Variants in CDH20 observed in about 807,000 individuals in gnomAD.
CDH20 encodes the protein cadherin-20.
Under a neutral mutation model 74.2 loss-of-function variants are expected in CDH20, and 29 were observed. That is an observed-to-expected ratio of 0.39 (90% confidence interval 0.29 to 0.53). CDH20 has a LOEUF of 0.53. Ranked by LOEUF, CDH20 falls within the 20% of genes least tolerant of loss-of-function variation. CDH20 has a pLI of 0.69. For missense variants in CDH20, 988 were observed against 1,048.3 expected (o/e 0.94, Z 0.79); for synonymous variants, 469 against 405.4 (o/e 1.16, Z -1.88).
At chr18:61,503,578 A>G (rs1568167515) in intron 5 of CDH20, among the ~76,000 whole-genome samples, 1 of 152,168 alleles carries the variant, frequency 6.6e-6, no homozygotes, top group Non-Finnish European at 1.5e-5. Flanking sequence ...AGATGGACAC[A>G]CCTGCCCATG....
At chr18:61,525,770 C>T (rs1912374603) in intron 6 of CDH20, among the ~76,000 whole-genome samples, 1 of 152,100 alleles carries the variant, frequency 6.6e-6, no homozygotes, top group Non-Finnish European at 1.5e-5. Flanking sequence ...TAAATTATTA[C>T]ATGTACCCTG....
chr18:61,371,772 T>A (rs144112393), intron 1 of CDH20, among the ~76,000 whole-genome samples: 5 of 150,850 alleles, frequency 3.3e-5, no homozygotes, highest in African/African-American at 1.2e-4. Flanking sequence ...GGCCTTATAT[T>A]TTCCAAATGG....
At chr18:61,365,837 T>C (rs1910837661) in intron 1 of CDH20, among the ~76,000 whole-genome samples, 2 of 152,178 alleles carry the variant, frequency 1.3e-5, no homozygotes, top group Non-Finnish European at 2.9e-5. Context: ...CATTTGGCCA[T>C]ACCCTAGCTA....
At chr18:61,548,240 T>C (rs952700923) in intron 10 of CDH20, among the ~76,000 whole-genome samples, 2 of 152,160 alleles carry the variant, frequency 1.3e-5, no homozygotes, top group Non-Finnish European at 2.9e-5. Context: ...GTTATGCTTA[T>C]CTGAATTTTT....
At chr18:61,482,377 T>A (rs561348429) in intron 1 of CDH20, among the ~76,000 whole-genome samples, 1 of 152,278 alleles carries the variant, frequency 6.6e-6, no homozygotes, top group East Asian at 1.9e-4. Flanking sequence ...TCTTTTCCAG[T>A]TCCAACTTTT....
chr18:61,489,809 T>G (rs777019974), intron 1 of CDH20, among the ~76,000 whole-genome samples: 2 of 152,032 alleles, frequency 1.3e-5, no homozygotes, highest in Admixed American at 6.6e-5. Context: ...GTGTGAAACT[T>G]GAAATCCACT....
chr18:61,433,603 TCACCCATATGTA>T (rs2144302151), intron 1 of CDH20, among the ~76,000 whole-genome samples: 1 of 152,208 alleles, frequency 6.6e-6, no homozygotes, highest in South Asian at 2.1e-4. Flanking sequence ...CACCAGCTCT[TCACCCATATGTA>T]CATTCTGGGT....
At chr18:61,400,686 C>T (rs1024836273) in intron 1 of CDH20, among the ~76,000 whole-genome samples, 2 of 152,158 alleles carry the variant, frequency 1.3e-5, no homozygotes, top group Non-Finnish European at 2.9e-5. Context: ...CTAATACCTG[C>T]ACAATTTTAT....
intron 1 of CDH20, among the ~76,000 whole-genome samples, chr18:61,400,188 C>G (rs1912110525): frequency 6.6e-6 from 1 of 152,202 alleles, no homozygotes; most frequent in African/African-American, 2.4e-5. Context: ...GTCCACCTCC[C>G]TGACCTGTAG....
chr18:61,539,740 C>T (rs180787037), intron 9 of CDH20, among the ~76,000 whole-genome samples: 206 of 152,310 alleles, frequency 1.4e-3, no homozygotes, highest in African/African-American at 4.8e-3. Flanking sequence ...TTCTTAACTT[C>T]TGGCAAGAAG....
At chr18:61,467,863 A>C (rs1020812946) in intron 1 of CDH20, among the ~76,000 whole-genome samples, 3 of 152,206 alleles carry the variant, frequency 2.0e-5, no homozygotes, top group Non-Finnish European at 4.4e-5. Context: ...ACGTTCGCTT[A>C]CTAGTACTAA....
intron 7 of CDH20, among the ~76,000 whole-genome samples, chr18:61,533,629 A>G (rs1221235873): frequency 1.3e-5 from 2 of 152,218 alleles, no homozygotes; most frequent in Admixed American, 6.5e-5. Context: ...TTAGTTTGAT[A>G]CAATCCCATT....
At chr18:61,456,900 C>T (rs1599097848) in intron 1 of CDH20, among the ~76,000 whole-genome samples, 1 of 152,100 alleles carries the variant, frequency 6.6e-6, no homozygotes. Flanking sequence ...AAATCATCTC[C>T]CTTGTATCTC....
chr18:61,379,151 G>C (rs1389519285), intron 1 of CDH20, among the ~76,000 whole-genome samples: 2 of 152,178 alleles, frequency 1.3e-5, no homozygotes, highest in East Asian at 3.9e-4. Context: ...ACTCAGATAT[G>C]GTTAACACAG....
intron 1 of CDH20, among the ~76,000 whole-genome samples, chr18:61,347,377 G>A (rs1251057952): frequency 2.8e-5 from 4 of 143,194 alleles, no homozygotes; most frequent in African/African-American, 5.3e-5. Flanking sequence ...AAAATTAGCC[G>A]GGTGTGGTAG....
intron 1 of CDH20, among the ~76,000 whole-genome samples, chr18:61,476,268 C>A (rs1357390693): frequency 6.6e-6 from 1 of 152,042 alleles, no homozygotes; most frequent in Non-Finnish European, 1.5e-5. Context: ...GTGACAAAGC[C>A]CAAATTAGTG....
At chr18:61,411,981 T>C (rs536501514) in intron 1 of CDH20, among the ~76,000 whole-genome samples, 1 of 151,890 alleles carries the variant, frequency 6.6e-6, no homozygotes, top group South Asian at 2.1e-4. Context: ...ATACCACTGG[T>C]TCCCCCAAAA....
At chr18:61,487,883 A>G (rs1466004712) in intron 1 of CDH20, among the ~76,000 whole-genome samples, 2 of 152,138 alleles carry the variant, frequency 1.3e-5, no homozygotes, top group Admixed American at 6.5e-5. Context: ...CTCAAATCTC[A>G]TTCTGTACAT....
At chr18:61,402,870 T>C (rs946746282) in intron 1 of CDH20, among the ~76,000 whole-genome samples, 3 of 152,182 alleles carry the variant, frequency 2.0e-5, no homozygotes, top group Admixed American at 2.0e-4. Flanking sequence ...ATCCATGTTA[T>C]CGTGCATTCT....
Sources: gnomAD v4.1 joint callset for allele counts (sites outside exome capture counted in the v4.1 genomes callset) on GRCh38, gnomAD v4.1.1 for gene constraint, MANE v1.5 for transcripts, NCBI Gene and HGNC (gene_info 2026-07-23, HGNC 2026-07-21) for gene names.